The following ATAD3A variants were observed in gnomAD, a reference collection of about 807,000 sequenced individuals.
The protein encoded by ATAD3A is ATPase family AAA domain-containing protein 3A.
Under a neutral mutation model 73.8 loss-of-function variants are expected in ATAD3A, and 46 were observed. The observed-to-expected ratio is 0.62, with a 90% confidence interval of 0.49 to 0.80. The LOEUF (loss-of-function observed/expected upper bound fraction) is 0.80, where lower values mean the gene tolerates loss of function less well. Among genes scored for constraint, ATAD3A ranks in the 30% least tolerant of loss-of-function variants. The pLI is 0.00. For missense variants in ATAD3A, 705 were observed against 838.0 expected (o/e 0.84, Z 1.96); for synonymous variants, 319 against 350.0 (o/e 0.91, Z 0.99).
chr1:1,523,784 C>T lies in ATAD3A; in HGVS notation c.964-55C>T. The stretch of plus-strand genomic sequence containing the variant: ...CCAGGCATTCCCGCAGCCCCTTCCC[C>T]TGAGGCTTCCATGGGTGCACAGTGT... On this transcript the variant is annotated intron_variant, in intron 9 of 15. Transcript: ENST00000378756. This position sits in a 1 kb window ranked among gnomAD's most constrained non-coding sequence, Gnocchi z 5.1. The T allele has an allele frequency of 6.2e-7, 1 of 1,611,980 alleles. No individual in the cohort carries two copies. Among genetic ancestry groups the T allele is most frequent in the Non-Finnish European group, 8.5e-7 (1 of 1,179,014 alleles).
intron 4 of ATAD3A, 130 bp downstream of exon 4, chr1:1,517,905 G>A (rs1641415979): frequency 2.3e-6 from 3 of 1,302,664 alleles, no homozygotes; most frequent in South Asian, 2.4e-5. Context: ...TAGAGCAGGG[G>A]AAACTACTCG....
chr1:1,529,526 CAGG>C (rs752247838), intron 15 of ATAD3A, among the ~76,000 whole-genome samples, 195 bp downstream of exon 15: 45 of 152,346 alleles, frequency 3.0e-4, no homozygotes, highest in Non-Finnish European at 5.9e-4. Context: ...CTCGTGCCCT[CAGG>C]AGGGTGGAGC....
In ATAD3A at chr1:1,534,346, T is replaced by G. The variant is rs937827827; in HGVS notation, c.*274T>G. 6 of 1,403,090 alleles carry G rather than the reference T, an allele frequency of 4.3e-6. No homozygotes were observed. Among genetic ancestry groups the G allele is most frequent in the Middle Eastern group, 2.6e-4 (1 of 3,788 alleles). The allele number at this position is 1,403,090 out of a possible 1,614,324, so 86.9% of individuals were successfully genotyped here. On this transcript the variant is annotated 3_prime_UTR_variant, in exon 16 of 16. Transcript: ENST00000378756. Reference sequence around the variant, plus strand: ...TTCCGTCTGGCTCACAGGGGGAGGGTGAGGCTTTGCACCCCAGCCCCTGCC... The same window carrying G: ...TTCCGTCTGGCTCACAGGGGGAGGGGGAGGCTTTGCACCCCAGCCCCTGCC...
At chr1:1,522,576 G>T (rs577346301) in intron 7 of ATAD3A, among the ~76,000 whole-genome samples, 168 bp from the exon 8 acceptor site, 3 of 152,320 alleles carry the variant, frequency 2.0e-5, no homozygotes, top group African/African-American at 7.2e-5. Flanking sequence ...TCCTGTAACC[G>T]CGTGGCTGTG....
chr1:1,521,318 A>C (rs1242286918), intron 7 of ATAD3A, among the ~76,000 whole-genome samples: 2 of 148,308 alleles, frequency 1.3e-5, no homozygotes, highest in Non-Finnish European at 1.5e-5. Flanking sequence ...AAAAAAAAAA[A>C]AAAAAAAAAA....
chr1:1,533,918 C>G lies in ATAD3A; in HGVS notation c.1615-8C>G. ...GCGGCCTCCCTCAGCTGCCTCTCTC[C>G]CCACTAGGCCACGGCGTATGCCTCC... On this transcript the variant is annotated splice_region_variant and splice_polypyrimidine_tract_variant and intron_variant, in intron 15 of 15. Transcript: ENST00000378756. The G allele has an allele frequency of 1.2e-6, 2 of 1,611,884 alleles. No individual in the cohort carries two copies. Among genetic ancestry groups the G allele is most frequent in the Non-Finnish European group, 1.7e-6 (2 of 1,179,280 alleles).
In ATAD3A at chr1:1,534,487, C is replaced by A; in HGVS notation, c.*415C>A. On this transcript the variant is annotated 3_prime_UTR_variant, in exon 16 of 16. Transcript: ENST00000378756. ...CCAGGTGAGGGGGCGCCTGCCAGGG[C>A]CAGACCCAGGTGGGGCAGCCTGAAC... 1 of 973,372 alleles carries A rather than the reference C, an allele frequency of 1.0e-6. No individual in the cohort carries two copies. The highest frequency in any genetic ancestry group is 1.3e-6 in the Non-Finnish European group (1 of 747,590). The allele number at this position is 973,372 out of a possible 1,614,324, so 60.3% of individuals were successfully genotyped here.
At chr1:1,532,174 T>C (rs1268851746) in intron 15 of ATAD3A, among the ~76,000 whole-genome samples, 4 of 152,204 alleles carry the variant, frequency 2.6e-5, no homozygotes. Context: ...TTTTTTATTA[T>C]ACTCCTGAAT....
rs941180441 is a variant in ATAD3A at position 1,523,565 on chromosome 1, A to C, written c.961A>C (p.Ser321Arg). 6.2e-7 allele frequency: 1 copy of C among 1,612,680 alleles called. No homozygotes were observed. Among genetic ancestry groups the C allele is most frequent in the Non-Finnish European group, 8.5e-7 (1 of 1,179,720 alleles). Residue 321 changes from serine (S) to arginine (R), a missense_variant and splice_region_variant, in exon 9 of 16, where the codon AGT (serine) becomes CGT (arginine). Physicochemically the swap from Ser to Arg is moderately radical, Grantham distance 110. Coordinates refer to ENST00000378756, the MANE Select transcript of ATAD3A (RefSeq NM_001170535.3). The surrounding 1 kb of genome is among the most constrained non-coding windows in gnomAD (Gnocchi z 5.1). ...PQDALEGVVL[S>R]PSLEARVRDI... ...GGACGCGCTGGAGGGTGTTGTGCTC[A>C]GTGTAAGTCGGTGTGCCTGGGACCG...
chr1:1,531,593 G>A (rs112415954), intron 15 of ATAD3A, among the ~76,000 whole-genome samples: 2 of 151,348 alleles, frequency 1.3e-5, no homozygotes, highest in Non-Finnish European at 1.5e-5. Context: ...CTAACACGGT[G>A]GAACCCCATC....
In ATAD3A at chr1:1,518,238, C is replaced by T. The variant is rs565313825; in HGVS notation, c.444+463C>T. Among the ~76,000 whole-genome samples the T allele has an allele frequency of 1.5e-3, 223 of 151,244 alleles. 1 individual carries two copies. The highest frequency in any genetic ancestry group is 5.1e-3 in the African/African-American group (208 of 41,188). ...TACAGACAGGTACGCACATACACCC[C>T]GCACACACACACACAGATACGCACA... On this transcript the variant is annotated intron_variant, in intron 4 of 15. Transcript: ENST00000378756.
rs1641677789 is a variant in ATAD3A at position 1,523,465 on chromosome 1, G to C, written c.907-46G>C. 6.2e-7 allele frequency: 1 copy of C among 1,600,438 alleles called. No individual in the cohort carries two copies. The highest frequency in any genetic ancestry group is 8.5e-7 in the Non-Finnish European group (1 of 1,174,006). Reference sequence around the variant, plus strand: ...GTGTGCGCGTTGGTGGCTGTTCCGTGGCTGTGGCAGGTGACCCGATGGCGC... The same window carrying C: ...GTGTGCGCGTTGGTGGCTGTTCCGTCGCTGTGGCAGGTGACCCGATGGCGC... On this transcript the variant is annotated intron_variant, in intron 8 of 15. Coordinates refer to ENST00000378756, the MANE Select transcript of ATAD3A (RefSeq NM_001170535.3). The surrounding 1 kb of genome is among the most constrained non-coding windows in gnomAD (Gnocchi z 5.1).
At chr1:1,521,898 T>G (rs1157017219) in intron 7 of ATAD3A, among the ~76,000 whole-genome samples, 1 of 151,948 alleles carries the variant, frequency 6.6e-6, no homozygotes, top group East Asian at 1.9e-4. Flanking sequence ...CCGGCCAATT[T>G]TTGTATTTTT....
At chr1:1,533,136 G>A (rs1230675168) in intron 15 of ATAD3A, among the ~76,000 whole-genome samples, 2 of 152,190 alleles carry the variant, frequency 1.3e-5, no homozygotes, top group Non-Finnish European at 2.9e-5. Context: ...CTGCCTCTGG[G>A]AGGTACAGCT....
At chr1:1,519,172 C>T (rs1025889544) in intron 5 of ATAD3A, among the ~76,000 whole-genome samples, 182 bp downstream of exon 5, 7 of 151,096 alleles carry the variant, frequency 4.6e-5, no homozygotes, top group South Asian at 2.1e-4. Flanking sequence ...TGCGAGTGGA[C>T]GCCAGGATCT....
At chr1:1,521,327 A>AAAAAAC in intron 7 of ATAD3A, among the ~76,000 whole-genome samples, 1 of 151,134 alleles carries the variant, frequency 6.6e-6, no homozygotes, top group East Asian at 1.9e-4. Context: ...AAAAAAAAAA[A>AAAAAAC]AACCAGAAGG....
chr1:1,528,853 C>G (rs1381541343), intron 14 of ATAD3A, among the ~76,000 whole-genome samples: 2 of 152,244 alleles, frequency 1.3e-5, no homozygotes, highest in Non-Finnish European at 2.9e-5. Flanking sequence ...TCCCCCACCC[C>G]CATGGCTGCT....
At position 1,522,608 on chromosome 1, in the gene ATAD3A, C is replaced by T. The variant is rs1030219297; in HGVS notation, c.751-136C>T. ...TGTGGGATTCGGGGCCGGGAATTCGCGTTCCTGTGGGGCCAGTGCACGGCC... is the reference window on the plus strand; with the variant it reads ...TGTGGGATTCGGGGCCGGGAATTCGTGTTCCTGTGGGGCCAGTGCACGGCC... On this transcript the variant is annotated intron_variant, in intron 7 of 15. Transcript: ENST00000378756. The T allele has an allele frequency of 4.1e-5, 61 of 1,490,574 alleles. No homozygotes were observed. The African/African-American group carries it at 6.8e-4, about 17-fold the overall frequency. The allele number at this position is 1,490,574 out of a possible 1,614,324, so 92.3% of individuals were successfully genotyped here.
At position 1,516,024 on chromosome 1, in the gene ATAD3A, A is replaced by T; in HGVS notation, c.218A>T (p.Asp73Val). The T allele has an allele frequency of 6.2e-7, 1 of 1,614,040 alleles. No homozygotes were observed. The highest frequency in any genetic ancestry group is 8.5e-7 in the Non-Finnish European group (1 of 1,179,948). The change falls in exon 2 of 16, where the codon GAC (aspartate) becomes GTC (valine). Residue 73 changes from aspartate (D) to valine (V), a missense_variant. This residue lies in a region of ATAD3A where 125 missense variants were observed against 170.6 expected (regional missense o/e 0.73). Coordinates refer to ENST00000378756, the MANE Select transcript of ATAD3A (RefSeq NM_001170535.3). ...CTTGCGTCTGCAGGTTATGCCAAGG[A>T]CGCCCTGAATCTGGCACAGATGCAG... ...RELEHSRYAK[D>V]ALNLAQMQEQ...
Sources: gnomAD v4.1 joint callset for allele counts (sites outside exome capture counted in the v4.1 genomes callset) on GRCh38, gnomAD v4.1.1 for gene constraint, gnomAD v4.1.1 regional missense constraint, Gnocchi (gnomAD v3.1) non-coding constraint, MANE v1.5 for transcripts, NCBI Gene and HGNC (gene_info 2026-07-23, HGNC 2026-07-21) for gene names.